The following PRICKLE2 variants were observed in gnomAD, a reference collection of about 807,000 sequenced individuals.
PRICKLE2 encodes prickle planar cell polarity protein 2.
Under a neutral mutation model 81.4 loss-of-function variants are expected in PRICKLE2, and 21 were observed. The ratio of observed to expected loss-of-function variants is 0.26; its 90% CI spans 0.18 to 0.37. The LOEUF is 0.37. Ranked by LOEUF, PRICKLE2 falls within the 10% of genes least tolerant of loss-of-function variation. PRICKLE2 has a pLI of 1.00. For synonymous variants in PRICKLE2, 456 were observed against 421.5 expected, an observed-to-expected ratio of 1.08 and a Z score of -1.00; for missense variants, 940 against 1,109.0, an observed-to-expected ratio of 0.85 and a Z score of 2.16.
intron 2 of PRICKLE2, among the ~76,000 whole-genome samples, chr3:64,248,059 C>G (rs892939976): frequency 3.9e-5 from 6 of 152,192 alleles, no homozygotes; most frequent in African/African-American, 1.4e-4. Flanking sequence ...ACTGAAACTT[C>G]ACTCACTGAA....
chr3:64,171,404 G>C (rs2077929144), intron 2 of PRICKLE2, among the ~76,000 whole-genome samples: 1 of 152,174 alleles, frequency 6.6e-6, no homozygotes, highest in Admixed American at 6.5e-5. Flanking sequence ...TACAATACAT[G>C]GGTCAGCCCC....
At chr3:64,162,952 A>G (rs2077758127) in intron 3 of PRICKLE2, 64 bp downstream of exon 3, 2 of 1,038,454 alleles carry the variant, frequency 1.9e-6, no homozygotes, top group Non-Finnish European at 3.1e-6. Flanking sequence ...GCAGATTATG[A>G]AAAAGGTAAC....
chr3:64,107,112 A>G (rs2076768135), intron 7 of PRICKLE2, among the ~76,000 whole-genome samples: 1 of 152,128 alleles, frequency 6.6e-6, no homozygotes, highest in South Asian at 2.1e-4. Flanking sequence ...ATGTCCATGC[A>G]CCACAGGGGT....
At chr3:64,217,746 A>C (rs2078894437) in intron 1 of PRICKLE2, among the ~76,000 whole-genome samples, 1 of 152,120 alleles carries the variant, frequency 6.6e-6, no homozygotes, top group Non-Finnish European at 1.5e-5. Flanking sequence ...ACAGAAAAAA[A>C]CGTGTCGATT....
At chr3:64,210,826 T>A (rs1480461006) in intron 1 of PRICKLE2, among the ~76,000 whole-genome samples, 1 of 152,106 alleles carries the variant, frequency 6.6e-6, no homozygotes, top group Non-Finnish European at 1.5e-5. Context: ...GATGCCTCAG[T>A]CATTGAGGGG....
Position 64,225,193 on chromosome 3 carries a change from A to AC in PRICKLE2, c.-325dup. ...CACCAAGCAAGAGAAAAAAAGTATGACTTCTACTCTTCCTCTAGATCAGCC... is the reference window on the plus strand; with the variant it reads ...CACCAAGCAAGAGAAAAAAAGTATGACCTTCTACTCTTCCTCTAGATCAGCC... On this transcript the variant is annotated 5_prime_UTR_variant, in exon 1 of 8. Coordinates refer to ENST00000638394, the MANE Select transcript of PRICKLE2 (RefSeq NM_198859.4). 1 of 985,250 alleles carries AC rather than the reference A, an allele frequency of 1.0e-6. No homozygotes were observed. Among genetic ancestry groups the AC allele is most frequent in the Non-Finnish European group, 1.2e-6 (1 of 829,930 alleles). 61.0% of individuals were successfully genotyped at this position (985,250 alleles called of 1,614,324 possible).
intron 7 of PRICKLE2, chr3:64,146,041 C>T (rs1314842846): frequency 6.6e-6 from 1 of 152,152 alleles, no homozygotes; most frequent in Non-Finnish European, 1.5e-5. Flanking sequence ...CTTTGGCCAA[C>T]AGGAGCTGCC....
Position 64,098,823 on chromosome 3 carries a change from T to C in PRICKLE2, c.*228A>G. The C allele has an allele frequency of 7.0e-6, 4 of 570,228 alleles. No individual in the cohort carries two copies. The highest frequency in any genetic ancestry group is 1.3e-5 in the Non-Finnish European group (4 of 318,580). 35.3% of individuals were successfully genotyped at this position (570,228 alleles called of 1,614,324 possible). On this transcript the variant is annotated 3_prime_UTR_variant, in exon 8 of 8. Transcript: ENST00000638394. ...AGGAAGTGACCAAGCCTGGCCTCGA[T>C]AGAGTCTACTGTGTTTCCAAAGTGA... is the stretch of plus-strand genomic sequence containing the variant.
At chr3:64,198,452 G>C (rs2078504520) in intron 2 of PRICKLE2, among the ~76,000 whole-genome samples, 2 of 151,902 alleles carry the variant, frequency 1.3e-5, no homozygotes, top group South Asian at 4.2e-4. Flanking sequence ...AAACAACATG[G>C]GGCTGGTAGA....
chr3:64,116,551 G>A (rs1404381252), intron 7 of PRICKLE2, among the ~76,000 whole-genome samples: 1 of 152,160 alleles, frequency 6.6e-6, no homozygotes, highest in Non-Finnish European at 1.5e-5. Context: ...ACAACCATCA[G>A]AGAATATTAT....
intron 2 of PRICKLE2, among the ~76,000 whole-genome samples, chr3:64,178,277 A>T (rs982175087): frequency 2.0e-5 from 3 of 152,134 alleles, no homozygotes; most frequent in Non-Finnish European, 2.9e-5. Context: ...TATATTCTGT[A>T]TCTTAAACCC....
intron 7 of PRICKLE2, among the ~76,000 whole-genome samples, chr3:64,129,364 T>C (rs1400574525): frequency 6.6e-6 from 1 of 152,196 alleles, no homozygotes; most frequent in Non-Finnish European, 1.5e-5. Context: ...GATAACAATA[T>C]ATTAGTAGTT....
chr3:64,117,863 T>C (rs999430046), intron 7 of PRICKLE2, among the ~76,000 whole-genome samples: 1 of 152,134 alleles, frequency 6.6e-6, no homozygotes, highest in African/African-American at 2.4e-5. Flanking sequence ...TGAAAATTCA[T>C]ATGGAAACAA....
upstream of PRICKLE2, among the ~76,000 whole-genome samples, chr3:64,227,327 G>A (rs2079044756): frequency 6.6e-6 from 1 of 152,130 alleles, no homozygotes; most frequent in Non-Finnish European, 1.5e-5. Context: ...TAACAGTTTG[G>A]GGCCCCCAGT....
chr3:64,207,245 CTTA>C (rs1441518158), intron 1 of PRICKLE2, among the ~76,000 whole-genome samples: 1 of 152,078 alleles, frequency 6.6e-6, no homozygotes, highest in African/African-American at 2.4e-5. Context: ...CATTTTCCTC[CTTA>C]TTATACTTAT....
rs371727901 is a variant in PRICKLE2, at chr3:64,254,002, C to A, written c.129-55035G>T. 1.2e-4 allele frequency among the ~76,000 whole-genome samples: 18 copies of A among 152,242 alleles called. 1 individual carries two copies. In the South Asian group the frequency reaches 3.5e-3, roughly 30 times the overall value. ...GATTACTAATGTAGTCTCTTTGGGG[C>A]CTTCAGATGGATGGAGGTTTGTAAT... On this transcript the variant is annotated intron_variant, in intron 2 of 8. Transcript: ENST00000295902.
intron 7 of PRICKLE2, among the ~76,000 whole-genome samples, chr3:64,115,846 C>G (rs936277467): frequency 5.3e-5 from 8 of 152,100 alleles, no homozygotes; most frequent in African/African-American, 1.9e-4. Flanking sequence ...ATCAAGCAGA[C>G]CTGATAGATA....
intron 7 of PRICKLE2, among the ~76,000 whole-genome samples, chr3:64,126,607 T>C (rs530291348): frequency 1.1e-3 from 174 of 152,210 alleles, no homozygotes; most frequent in Middle Eastern, 0.01. Context: ...AGACGGAGTC[T>C]TGCTCTGTTG....
chr3:64,186,552 C>T (rs915630112), intron 2 of PRICKLE2, among the ~76,000 whole-genome samples: 4 of 152,188 alleles, frequency 2.6e-5, no homozygotes, highest in African/African-American at 9.6e-5. Flanking sequence ...CTTTGTATGG[C>T]TCCAGGCCAC....
Sources: allele counts gnomAD v4.1 joint callset (sites outside exome capture counted in the v4.1 genomes callset), GRCh38; gene constraint gnomAD v4.1.1; transcripts MANE v1.5; gene names NCBI Gene and HGNC (gene_info 2026-07-23, HGNC 2026-07-21).